The following ZFR2 variants were observed in gnomAD, a reference collection of about 807,000 sequenced individuals.
The protein encoded by ZFR2 is zinc finger RNA binding protein 2, also known as zinc finger RNA-binding protein 2.
In ZFR2, 104 loss-of-function variants were observed where a neutral mutation model predicts 105.7. That is an observed-to-expected ratio of 0.98 (90% confidence interval 0.84 to 1.16). The LOEUF (loss-of-function observed/expected upper bound fraction) is 1.16, where lower values mean the gene tolerates loss of function less well. ZFR2 is among the 50% of genes most tolerant of loss of function. The probability of loss-of-function intolerance (pLI) is 0.00; values close to 1 mark genes in which losing one functional copy is unlikely to be tolerated. For synonymous variants in ZFR2, 634 were observed against 597.7 expected (o/e 1.06, Z -0.89); for missense variants, 1,425 against 1,355.5 (o/e 1.05, Z -0.80).
At chr19:3,807,367 C>G in intron 17 of ZFR2, 98 bp from the exon 18 acceptor site, 1 of 846,504 alleles carries the variant, frequency 1.2e-6, no homozygotes, top group Non-Finnish European at 1.9e-6. Flanking sequence ...CTCAGGGGCC[C>G]GTGCATGGGG....
Position 3,834,894 on chromosome 19 carries a change from G to A in ZFR2, c.143C>T (p.Ala48Val). 6.2e-7 allele frequency: 1 copy of A among 1,611,950 alleles called. No individual in the cohort carries two copies. Among genetic ancestry groups the A allele is most frequent in the Admixed American group, 1.7e-5 (1 of 59,712 alleles). The stretch of plus-strand genomic sequence containing the variant: ...CCCTGCCGGGGCAGCTGGGGGAAAG[G>A]CCGGGTTCACGGCAGGGTCCATCCC... ...TPGMDPAVNPAFPPAAPAGYG... is the reference protein window; with the variant it reads ...TPGMDPAVNPVFPPAAPAGYG... The change falls in exon 2 of 19, where the codon GCC becomes GTC. Residue 48 changes from alanine to valine, a missense_variant. Physicochemically the swap from Ala to Val is moderately conservative, Grantham distance 64. Transcript: ENST00000262961. The surrounding 1 kb of genome is among the most constrained non-coding windows in gnomAD (Gnocchi z 5.3).
intron 9 of ZFR2, 116 bp downstream of exon 9, chr19:3,821,965 C>T (rs2037898922): frequency 2.1e-6 from 3 of 1,409,052 alleles, no homozygotes; most frequent in Middle Eastern, 2.5e-4. Context: ...AATCACCCCT[C>T]CCTCTTAAGT....
chr19:3,856,480 G>A (rs1198081410), intron 1 of ZFR2, among the ~76,000 whole-genome samples: 9 of 152,032 alleles, frequency 5.9e-5, no homozygotes, highest in African/African-American at 2.2e-4. Context: ...CATTTACAAG[G>A]CTGTGCAAAC....
In ZFR2 at chr19:3,836,178, C is replaced by T. The variant is rs553037496; in HGVS notation, c.54-1195G>A. ...GCACTATGCCGATGGCTGTTACATT[C>T]CATTGTTTAGGGAACAATGAGAAGG... On this transcript the variant is annotated intron_variant, in intron 1 of 18. Coordinates refer to ENST00000262961, the MANE Select transcript of ZFR2 (RefSeq NM_015174.2). Among the ~76,000 whole-genome samples the T allele has an allele frequency of 2.0e-4, 30 of 152,234 alleles. 1 individual carries two copies. In the South Asian group the frequency reaches 6.0e-3, roughly 30 times the overall value.
intron 12 of ZFR2, 22 bp from the exon 13 acceptor site, chr19:3,816,867 C>A: frequency 6.5e-7 from 1 of 1,535,956 alleles, no homozygotes. Context: ...AAGCCACAGA[C>A]GTGCGCCATC....
At position 3,821,427 on chromosome 19, in the gene ZFR2, C is replaced by T. The variant is rs768391077; in HGVS notation, c.1544G>A (p.Arg515Gln). 23 of 1,610,312 alleles carry T rather than the reference C, an allele frequency of 1.4e-5. No homozygotes were observed. The highest frequency in any genetic ancestry group is 6.7e-5 in the African/African-American group (5 of 74,844). ...PIATEPSSRA[R>Q]KVLEERMRKQ... is the part of the protein sequence containing the mutation. ...CCTCATGCGCTCCTCCAGGACCTTC[C>T]GAGCCCGGCTGCTGGGCTCCGTGGC... The change falls in exon 10 of 19, where the codon CGG becomes CAG. Residue 515 changes from arginine (R) to glutamine (Q), a missense_variant. Arg to Gln is a conservative substitution (Grantham distance 43, BLOSUM62 1). Coordinates refer to ENST00000262961, the MANE Select transcript of ZFR2 (RefSeq NM_015174.2).
rs750759926 is a variant in ZFR2 at position 3,813,286 on chromosome 19, C to T, written c.2242+534G>A. Among the ~76,000 whole-genome samples the T allele has an allele frequency of 3.9e-5, 6 of 152,228 alleles. No homozygotes were observed. Among genetic ancestry groups the T allele is most frequent in the Non-Finnish European group, 7.3e-5 (5 of 68,044 alleles). ...GCAGTGTGTTACTGATGCCTGTCTT[C>T]GCTGTGGCCGCTGGCCAAGACCCTC... On this transcript the variant is annotated intron_variant, in intron 14 of 18. Transcript: ENST00000262961. This position sits in a 1 kb window ranked among gnomAD's most constrained non-coding sequence, Gnocchi z 4.4.
At chr19:3,812,731 C>T (rs982455320) in intron 14 of ZFR2, among the ~76,000 whole-genome samples, 10 of 151,722 alleles carry the variant, frequency 6.6e-5, no homozygotes, top group African/African-American at 2.2e-4. Flanking sequence ...CGTGACTTTC[C>T]ATTTAATGAT....
At chr19:3,868,376 C>CG (rs1350883199) in intron 1 of ZFR2, among the ~76,000 whole-genome samples, 1 of 142,756 alleles carries the variant, frequency 7.0e-6, no homozygotes, top group Non-Finnish European at 1.5e-5. Flanking sequence ...CTCCTCCCCC[C>CG]GCAATCGGGG....
chr19:3,812,973 C>CG (rs2037783056), intron 14 of ZFR2, among the ~76,000 whole-genome samples: 1 of 151,988 alleles, frequency 6.6e-6, no homozygotes, highest in Non-Finnish European at 1.5e-5. Flanking sequence ...CCCAGCTACT[C>CG]GGAGGCTGAG....
rs61530456 is a variant in ZFR2, at chr19:3,805,792, C to T, written c.*157G>A. 14,581 of 890,228 alleles carry T rather than the reference C, an allele frequency of 0.016. 1,567 individuals carry two copies. In the African/African-American group the frequency reaches 0.23, roughly 14 times the overall value. 55.1% of individuals were successfully genotyped at this position (890,228 alleles called of 1,614,324 possible). A position where few individuals can be genotyped will look rare whatever the true frequency, so the allele number is the denominator to read the frequency against. The stretch of plus-strand genomic sequence containing the variant: ...GATTAAAGGCATGAGCCACAGTGCC[C>T]GGTCTGAAGCACAGGTGTTTTAAAG... On this transcript the variant is annotated 3_prime_UTR_variant, in exon 19 of 19. Coordinates refer to ENST00000262961, the MANE Select transcript of ZFR2 (RefSeq NM_015174.2).
chr19:3,833,325 G>C (rs1015627195), intron 3 of ZFR2, among the ~76,000 whole-genome samples: 20 of 150,820 alleles, frequency 1.3e-4, no homozygotes, highest in South Asian at 1.3e-3. Context: ...GCCTGTAATC[G>C]CAGCACTTTG....
At position 3,820,300 on chromosome 19, in the gene ZFR2, C is replaced by T. The variant is rs762388856; in HGVS notation, c.1632-10G>A. ...CTCCTCCTCCAGCCGCCTGCAGGACCGAGACGTGACAGAGCATGGTCAGGC... is the reference window on the plus strand; with the variant it reads ...CTCCTCCTCCAGCCGCCTGCAGGACTGAGACGTGACAGAGCATGGTCAGGC... On this transcript the variant is annotated splice_polypyrimidine_tract_variant and intron_variant, in intron 10 of 18. Coordinates refer to ENST00000262961, the MANE Select transcript of ZFR2 (RefSeq NM_015174.2). 9 of 1,540,206 alleles carry T rather than the reference C, an allele frequency of 5.8e-6. No individual in the cohort carries two copies. Among genetic ancestry groups the T allele is most frequent in the Non-Finnish European group, 7.0e-6 (8 of 1,145,492 alleles).
rs1473292119 is a variant in ZFR2, at chr19:3,813,559, C to T, written c.2242+261G>A. On this transcript the variant is annotated intron_variant, in intron 14 of 18. Coordinates refer to ENST00000262961, the MANE Select transcript of ZFR2 (RefSeq NM_015174.2). This position sits in a 1 kb window ranked among gnomAD's most constrained non-coding sequence, Gnocchi z 4.4. ...CTGGGTAAGGGCAAGGGAGGTGACA[C>T]GGTGTCGCTTGCCCGAGCAAGGCCC... Among the ~76,000 whole-genome samples, 1 of 152,184 alleles carries T rather than the reference C, an allele frequency of 6.6e-6. No homozygotes were observed. The highest frequency in any genetic ancestry group is 2.1e-4 in the South Asian group (1 of 4,832).
At chr19:3,854,756 C>T (rs1045641118) in intron 1 of ZFR2, among the ~76,000 whole-genome samples, 2 of 152,104 alleles carry the variant, frequency 1.3e-5, no homozygotes, top group African/African-American at 4.8e-5. Flanking sequence ...TTCTAAACTA[C>T]ATCATTAAGA....
chr19:3,820,647 AG>A (rs1489257368), intron 10 of ZFR2, among the ~76,000 whole-genome samples: 1 of 151,694 alleles, frequency 6.6e-6, no homozygotes, highest in Non-Finnish European at 1.5e-5. Context: ...ACTGGGAATG[AG>A]GGGACGCTAG....
At chr19:3,827,709 C>T (rs2037967612) in intron 5 of ZFR2, 56 bp from the exon 6 acceptor site, 5 of 1,541,344 alleles carry the variant, frequency 3.2e-6, no homozygotes, top group Non-Finnish European at 3.5e-6. Flanking sequence ...GGCCACTGTC[C>T]CCTCCCCTGC....
At position 3,805,838 on chromosome 19, in the gene ZFR2, C is replaced by G. The variant is rs1384396980; in HGVS notation, c.*111G>C. 7.8e-7 allele frequency: 1 copy of G among 1,278,308 alleles called. No individual in the cohort carries two copies. Among genetic ancestry groups the G allele is most frequent in the African/African-American group, 1.5e-5 (1 of 64,618 alleles). The allele number at this position is 1,278,308 out of a possible 1,614,324, so 79.2% of individuals were successfully genotyped here. On this transcript the variant is annotated 3_prime_UTR_variant, in exon 19 of 19. Coordinates refer to ENST00000262961, the MANE Select transcript of ZFR2 (RefSeq NM_015174.2). ...TAAAGGAAACCTACAGAGCGTTACTCAAAAGGAAATGACCATTGTCCAACG... is the reference window on the plus strand; with the variant it reads ...TAAAGGAAACCTACAGAGCGTTACTGAAAAGGAAATGACCATTGTCCAACG...
Position 3,811,381 on chromosome 19 carries a change from A to T in ZFR2, c.2243-15T>A, listed in dbSNP as rs116640676. ...CTCCTCCACACCTTCTAGAAGAAAAACCTCGAGGTGTGCGGGGAAGGTGCC... is the reference window on the plus strand; with the variant it reads ...CTCCTCCACACCTTCTAGAAGAAAATCCTCGAGGTGTGCGGGGAAGGTGCC... On this transcript the variant is annotated splice_polypyrimidine_tract_variant and intron_variant, in intron 14 of 18. Transcript: ENST00000262961. The T allele has an allele frequency of 1.6e-3, 2,484 of 1,564,952 alleles. 37 individuals are homozygous for T. The African/African-American group carries it at 0.032, about 20-fold the overall frequency.
Sources: allele counts gnomAD v4.1 joint callset (sites outside exome capture counted in the v4.1 genomes callset), GRCh38; gene constraint gnomAD v4.1.1; non-coding constraint Gnocchi (gnomAD v3.1); transcripts MANE v1.5; gene names NCBI Gene and HGNC (gene_info 2026-07-23, HGNC 2026-07-21).